The following KLC4 variants were observed in gnomAD, a reference collection of about 807,000 sequenced individuals.
KLC4 encodes the protein kinesin-like protein 8.
KLC4 carries 49 observed loss-of-function variants against 77.2 expected under a neutral mutation model. The ratio of observed to expected loss-of-function variants is 0.63; its 90% CI spans 0.50 to 0.80. KLC4 has a LOEUF of 0.80. Ranked by LOEUF, KLC4 falls within the 30% of genes least tolerant of loss-of-function variation. KLC4 has a pLI of 0.00. For missense variants in KLC4, 669 were observed against 793.5 expected, an observed-to-expected ratio of 0.84 and a Z score of 1.89; for synonymous variants, 274 against 314.5, an observed-to-expected ratio of 0.87 and a Z score of 1.36.
In KLC4 at chr6:43,066,490, C is replaced by T. The variant is rs367756983; in HGVS notation, c.756C>T (p.Val252=). ...ERTSGRGHPD[V]ATMLNILALV... ...CATCAGGCCGTGGCCACCCTGATGT[C>T]GCCACCATGCTCAACATCCTTGCTT... Residue 252 remains valine, a synonymous_variant, in exon 5 of 16, where the codon GTC becomes GTT. Transcript: ENST00000347162. 1.4e-5 allele frequency: 22 copies of T among 1,613,584 alleles called. No homozygotes were observed. Among genetic ancestry groups the T allele is most frequent in the Middle Eastern group, 1.7e-4 (1 of 5,954 alleles).
intron 6 of KLC4, chr6:43,067,336 A>G: frequency 1.4e-6 from 1 of 735,282 alleles, no homozygotes; most frequent in South Asian, 4.6e-5. Flanking sequence ...AGGTAAATCC[A>G]CATATGATTT....
At chr6:43,070,302 C>A in intron 6 of KLC4, 52 bp from the exon 7 acceptor site, 1 of 1,302,090 alleles carries the variant, frequency 7.7e-7, no homozygotes, top group Non-Finnish European at 1.1e-6. Context: ...CTCAGATTCC[C>A]ATAGGTCTTT....
At chr6:43,062,203 G>A (rs1404154474) in intron 2 of KLC4, among the ~76,000 whole-genome samples, 1 of 152,176 alleles carries the variant, frequency 6.6e-6, no homozygotes, top group African/African-American at 2.4e-5. Flanking sequence ...TTGGAGGGGA[G>A]GGAGATGGAT....
chr6:43,070,699 G>T lies in KLC4; in HGVS notation c.989G>T (p.Gly330Val). 3 of 1,611,904 alleles carry T rather than the reference G, an allele frequency of 1.9e-6. No individual in the cohort carries two copies. The highest frequency in any genetic ancestry group is 8.5e-7 in the Non-Finnish European group (1 of 1,178,180). ...RALEIREKVL[G>V]TNHPDVAKQL... is the part of the protein sequence containing the mutation. ...TCCTTTGTTCCCTTTCAGGTCCTGG[G>T]CACGAATCATCCAGATGTGGCAAAA... Residue 330 changes from glycine (G) to valine (V), a missense_variant, in exon 8 of 16, where the codon GGC (glycine) becomes GTC (valine). Transcript: ENST00000347162.
At chr6:43,064,502 C>A (rs1299168260) in intron 3 of KLC4, among the ~76,000 whole-genome samples, 2 of 152,142 alleles carry the variant, frequency 1.3e-5, no homozygotes, top group African/African-American at 4.8e-5. Context: ...CTAGCCTGGG[C>A]TGTTGCCAGA....
chr6:43,074,624 C>G lies in KLC4; in HGVS notation c.1812C>G (p.Val604=), dbSNP rs200219689. 3.5e-4 allele frequency: 568 copies of G among 1,614,080 alleles called. No individual in the cohort carries two copies. Among genetic ancestry groups the G allele is most frequent in the Non-Finnish European group, 4.3e-4 (502 of 1,179,938 alleles). Residue 604 remains valine (V), a splice_region_variant and synonymous_variant, in exon 16 of 16, where the codon GTC becomes GTG. Transcript: ENST00000347162. ...TGGGGTAGTGTTGTCTGTTTCAGGT[C>G]TCCCGGGGCCTCAGTGCCAGCACCA... ...LNQPSAAPLQ[V]SRGLSASTMD... is the part of the protein sequence containing the mutation.
chr6:43,074,777 G>A lies in KLC4; in HGVS notation c.*105G>A. The A allele has an allele frequency of 1.1e-6, 1 of 937,216 alleles. No individual in the cohort carries two copies. The highest frequency in any genetic ancestry group is 1.3e-5 in the South Asian group (1 of 75,458). 58.1% of individuals were successfully genotyped at this position (937,216 alleles called of 1,614,324 possible). A position where few individuals can be genotyped will look rare whatever the true frequency, so the allele number is the denominator to read the frequency against. On this transcript the variant is annotated 3_prime_UTR_variant, in exon 16 of 16. Coordinates refer to ENST00000347162, the MANE Select transcript of KLC4 (RefSeq NM_201521.3). ...CCCCACCCCTAGGTGGGACAGTGAAGGGGAGCAGTTTAACCAGAAGATTGC... is the reference window on the plus strand; with the variant it reads ...CCCCACCCCTAGGTGGGACAGTGAAAGGGAGCAGTTTAACCAGAAGATTGC...
Position 43,073,943 on chromosome 6 carries a change from A to G in KLC4, c.1787A>G (p.Gln596Arg). The G allele has an allele frequency of 6.2e-7, 1 of 1,612,594 alleles. No homozygotes were observed. The highest frequency in any genetic ancestry group is 8.5e-7 in the Non-Finnish European group (1 of 1,179,264). Residue 596 changes from glutamine (Q) to arginine (R), a missense_variant, in exon 15 of 16, where the codon CAA becomes CGA. Physicochemically the swap from Gln to Arg is conservative, Grantham distance 43 (BLOSUM62 1). Coordinates refer to ENST00000347162, the MANE Select transcript of KLC4 (RefSeq NM_201521.3). ...GCAGCCTCCTTGAACTATCTGAACCAACCTAGTGCAGCACCCCTCCAGGTG... is the reference window on the plus strand; with the variant it reads ...GCAGCCTCCTTGAACTATCTGAACCGACCTAGTGCAGCACCCCTCCAGGTG... ...KRAASLNYLN[Q>R]PSAAPLQVSR...
rs1362008143 is a variant in KLC4, at chr6:43,067,040, C to T, written c.836C>T (p.Ala279Val). Residue 279 changes from alanine (A) to valine (V), a missense_variant, in exon 6 of 16, where the codon GCC (alanine) becomes GTC (valine). By Grantham distance (64) the Ala-to-Val change is moderately conservative. Coordinates refer to ENST00000347162, the MANE Select transcript of KLC4 (RefSeq NM_201521.3). ...YKEAAHLLND[A>V]LSIRESTLGP... ...GAAGCTGCCCACCTGCTGAATGATG[C>T]CCTTAGCATCCGGGAGAGCACCTTG... 6.2e-7 allele frequency: 1 copy of T among 1,613,926 alleles called. No individual in the cohort carries two copies. The highest frequency in any genetic ancestry group is 8.5e-7 in the Non-Finnish European group (1 of 1,179,974).
chr6:43,067,207 T>C, intron 6 of KLC4, 124 bp downstream of exon 6: 3 of 1,440,046 alleles, frequency 2.1e-6, no homozygotes, highest in East Asian at 2.7e-5. Flanking sequence ...GAAGGAGGCA[T>C]AAGAAGTCCT....
chr6:43,061,415 G>C lies in KLC4; in HGVS notation c.80G>C (p.Arg27Pro), dbSNP rs542571705. ...LSQEEILGST[R>P]LVSQGLEALR... ...CAAGAGGAGATCCTGGGGAGCACACGGCTGGTCAGCCAAGGGCTAGAGGCC... is the reference window on the plus strand; with the variant it reads ...CAAGAGGAGATCCTGGGGAGCACACCGCTGGTCAGCCAAGGGCTAGAGGCC... The change falls in exon 2 of 16, where the codon CGG (arginine) becomes CCG (proline). Residue 27 changes from arginine to proline, a missense_variant. By Grantham distance (103) the Arg-to-Pro change is moderately radical. Coordinates refer to ENST00000347162, the MANE Select transcript of KLC4 (RefSeq NM_201521.3). 1.9e-6 allele frequency: 3 copies of C among 1,614,112 alleles called. No individual in the cohort carries two copies. The East Asian group carries it at 6.7e-5, about 36-fold the overall frequency.
At chr6:43,073,119 G>A in intron 13 of KLC4, 104 bp from the exon 14 acceptor site, 1 of 1,316,230 alleles carries the variant, frequency 7.6e-7, no homozygotes, top group Non-Finnish European at 1.1e-6. Context: ...CAGTCACTGG[G>A]CCTTGGGGGT....
In KLC4 at chr6:43,067,108, C is replaced by T. The variant is rs779087198; in HGVS notation, c.879+25C>T. The T allele has an allele frequency of 3.1e-6, 5 of 1,611,114 alleles. No individual in the cohort carries two copies. In the South Asian group the frequency reaches 5.5e-5, roughly 18 times the overall value. ...TGTCAGTATTCCTTGCCCTCCCCAC[C>T]CCACGCCCCGCACCCCCCACCATTG... On this transcript the variant is annotated intron_variant, in intron 6 of 15. Transcript: ENST00000347162.
chr6:43,072,337 T>G (rs1007785902), intron 12 of KLC4, 82 bp downstream of exon 12: 19 of 1,032,414 alleles, frequency 1.8e-5, no homozygotes, highest in Non-Finnish European at 2.9e-5. Context: ...GGGAGTCTCC[T>G]AAGAATAAGC....
chr6:43,060,157 A>G (rs2150348737), intron 1 of KLC4: 2 of 1,610,126 alleles, frequency 1.2e-6, no homozygotes, highest in Non-Finnish European at 1.7e-6. Context: ...GAGGCACCCT[A>G]CGGTGATTCC....
Position 43,074,840 on chromosome 6 carries a change from C to T in KLC4, c.*168C>T. 1.6e-6 allele frequency: 1 copy of T among 644,136 alleles called. No homozygotes were observed. Among genetic ancestry groups the T allele is most frequent in the South Asian group, 1.8e-5 (1 of 56,562 alleles). 39.9% of individuals were successfully genotyped at this position (644,136 alleles called of 1,614,324 possible). ...GGTCTCAGCTCCCTCCTCAGGAATC[C>T]CTCTTAGGAAGGACCCTCAGGACAC... is the stretch of plus-strand genomic sequence containing the variant. On this transcript the variant is annotated 3_prime_UTR_variant, in exon 16 of 16. Transcript: ENST00000347162.
Position 43,061,431 on chromosome 6 carries a change from G to T in KLC4, c.96G>T (p.Gly32=), listed in dbSNP as rs763024639. 95 of 1,614,154 alleles carry T rather than the reference G, an allele frequency of 5.9e-5. No homozygotes were observed. The South Asian group carries it at 8.6e-4, about 15-fold the overall frequency. The change falls in exon 2 of 16, where the codon GGG becomes GGT. Residue 32 remains glycine (G), a synonymous_variant. Transcript: ENST00000347162. ...GGAGCACACGGCTGGTCAGCCAAGG[G>T]CTAGAGGCCCTACGCAGTGAACACC... is the stretch of plus-strand genomic sequence containing the variant. ...ILGSTRLVSQ[G]LEALRSEHQA...
intron 2 of KLC4, chr6:43,062,679 G>A: frequency 1.8e-6 from 1 of 562,588 alleles, no homozygotes; most frequent in Non-Finnish European, 3.2e-6. Flanking sequence ...AGGCCAGTGA[G>A]GAAGTTATTG....
In KLC4 at chr6:43,061,509, C is replaced by T. The variant is rs1168852143; in HGVS notation, c.174C>T (p.Gly58=). The change falls in exon 2 of 16, where the codon GGC becomes GGT. Residue 58 remains glycine (G), a synonymous_variant. Coordinates refer to ENST00000347162, the MANE Select transcript of KLC4 (RefSeq NM_201521.3). The part of the protein sequence containing the change: ...SQTIECLQQG[G]HEEGLVHEKA... ...CCATTGAGTGTCTGCAGCAGGGAGG[C>T]CATGAGGAAGGGCTGGTGCATGAGA... 6.2e-7 allele frequency: 1 copy of T among 1,614,128 alleles called. No homozygotes were observed. The highest frequency in any genetic ancestry group is 1.1e-5 in the South Asian group (1 of 91,082).
Sources: gnomAD v4.1 joint callset for allele counts (sites outside exome capture counted in the v4.1 genomes callset) on GRCh38, gnomAD v4.1.1 for gene constraint, MANE v1.5 for transcripts, NCBI Gene and HGNC (gene_info 2026-07-23, HGNC 2026-07-21) for gene names.